The following NFIA variants were observed in gnomAD, a reference collection of about 807,000 sequenced individuals.
NFIA encodes nuclear factor 1 A-type.
In NFIA, 8 loss-of-function variants were observed where a neutral mutation model predicts 62.8. The observed-to-expected ratio is 0.13, with a 90% CI of 0.07 to 0.23. The LOEUF is 0.23. Ranked by LOEUF, NFIA falls within the 10% of genes least tolerant of loss-of-function variation. The pLI, the probability that NFIA is intolerant of heterozygous loss-of-function variation, is 1.00. For missense variants in NFIA, 410 were observed against 642.1 expected (o/e 0.64, Z 3.91); for synonymous variants, 235 against 238.1 (o/e 0.99, Z 0.12).
chr1:61,417,283 G>GTT, intron 9 of NFIA, among the ~76,000 whole-genome samples: 1 of 148,210 alleles, frequency 6.7e-6, no homozygotes, highest in Admixed American at 6.9e-5. Context: ...GTGTGTGTGT[G>GTT]TGTGTGTATA....
At chr1:61,411,262 A>C (rs1044110813) in intron 9 of NFIA, among the ~76,000 whole-genome samples, 1 of 152,070 alleles carries the variant, frequency 6.6e-6, no homozygotes, top group Non-Finnish European at 1.5e-5. Flanking sequence ...GGGGAAAAAA[A>C]ATCCTGTGAA....
intron 4 of NFIA, among the ~76,000 whole-genome samples, chr1:61,336,817 C>G (rs939908813): frequency 4.6e-5 from 7 of 152,168 alleles, no homozygotes; most frequent in African/African-American, 1.7e-4. Flanking sequence ...CCAGCCCCAT[C>G]CAGTCCCCTG....
chr1:61,451,957 G>A (rs1471032403), intron 10 of NFIA, among the ~76,000 whole-genome samples: 3 of 152,134 alleles, frequency 2.0e-5, no homozygotes, highest in Non-Finnish European at 2.9e-5. Context: ...CCCAACGATC[G>A]AATAAGCTCA....
intron 2 of NFIA, among the ~76,000 whole-genome samples, chr1:61,113,733 A>ATC (rs1469087867): frequency 7.6e-6 from 1 of 132,096 alleles, no homozygotes; most frequent in Non-Finnish European, 1.6e-5. Flanking sequence ...GAAATGAGAG[A>ATC]ATGAGCAGAG....
chr1:61,320,389 G>A (rs1462231746), intron 3 of NFIA, among the ~76,000 whole-genome samples: 1 of 152,096 alleles, frequency 6.6e-6, no homozygotes, highest in African/African-American at 2.4e-5. Context: ...TTTTGGCATC[G>A]ATAACTAATT....
chr1:61,349,802 A>G (rs1662453332), intron 4 of NFIA, among the ~76,000 whole-genome samples: 1 of 152,026 alleles, frequency 6.6e-6, no homozygotes, highest in South Asian at 2.1e-4. Context: ...TATGTTGCTC[A>G]GGCTGGTCTT....
chr1:61,168,149 G>A (rs929631290), intron 2 of NFIA, among the ~76,000 whole-genome samples: 9 of 152,042 alleles, frequency 5.9e-5, no homozygotes, highest in African/African-American at 1.7e-4. Flanking sequence ...TTAACTTGGG[G>A]CATTAATAAT....
Position 61,085,587 on chromosome 1 carries a change from C to G in NFIA, c.28-2562C>G, listed in dbSNP as rs140673215. On this transcript the variant is annotated intron_variant, in intron 1 of 10. Transcript: ENST00000403491. ...ACACTACTTTTTTTTTTTAACTAAT[C>G]ATTTATGCTATTCCTGGACATTTCT... Among the ~76,000 whole-genome samples the G allele has an allele frequency of 3.6e-3, 543 of 151,790 alleles. 3 individuals are homozygous for G. The highest frequency in any genetic ancestry group is 0.012 in the African/African-American group (512 of 41,438).
At chr1:61,310,499 G>A (rs1037045842) in intron 3 of NFIA, among the ~76,000 whole-genome samples, 1 of 152,092 alleles carries the variant, frequency 6.6e-6, no homozygotes, top group Non-Finnish European at 1.5e-5. Flanking sequence ...TTAGTGTATG[G>A]GGGGAAAAGG....
chr1:61,341,188 C>T (rs534961830), intron 4 of NFIA, among the ~76,000 whole-genome samples: 14 of 151,468 alleles, frequency 9.2e-5, no homozygotes, highest in African/African-American at 2.7e-4. Flanking sequence ...CTCCGCCTGC[C>T]GAGTAGCCGG....
At chr1:61,153,253 T>C (rs935312295) in intron 2 of NFIA, among the ~76,000 whole-genome samples, 9 of 152,234 alleles carry the variant, frequency 5.9e-5, no homozygotes, top group African/African-American at 2.2e-4. Context: ...TTCCCTATTA[T>C]ATTATGTTGT....
In NFIA at chr1:61,161,063, C is replaced by T. The variant is rs1038585808; in HGVS notation, c.559+72383C>T. ...TTGAGTAGCAGCGATTACAGGCACTCGCCACTATGCCCAGCTAATTTTTGT... is the reference window on the plus strand; with the variant it reads ...TTGAGTAGCAGCGATTACAGGCACTTGCCACTATGCCCAGCTAATTTTTGT... On this transcript the variant is annotated intron_variant, in intron 2 of 10. Transcript: ENST00000403491. Among the ~76,000 whole-genome samples, 13 of 152,224 alleles carry T rather than the reference C, an allele frequency of 8.5e-5. No homozygotes were observed. The East Asian group carries it at 1.2e-3, about 14-fold the overall frequency.
chr1:61,410,327 C>T (rs1172833080), intron 9 of NFIA, among the ~76,000 whole-genome samples: 1 of 152,036 alleles, frequency 6.6e-6, no homozygotes, highest in Non-Finnish European at 1.5e-5. Flanking sequence ...ATTGGATTAC[C>T]ACTAGATAAA....
At chr1:61,279,989 A>G (rs1015759416) in intron 3 of NFIA, among the ~76,000 whole-genome samples, 2 of 152,360 alleles carry the variant, frequency 1.3e-5, no homozygotes, top group South Asian at 4.1e-4. Context: ...TATCTAGGAG[A>G]TAAAGTAATA....
intron 2 of NFIA, among the ~76,000 whole-genome samples, chr1:61,225,376 G>A (rs550518295): frequency 7.9e-5 from 12 of 151,632 alleles, no homozygotes; most frequent in Non-Finnish European, 1.6e-4. Context: ...TCAGCCTCCT[G>A]AGTAGCTGGG....
chr1:61,213,009 C>A (rs537252527), intron 2 of NFIA, among the ~76,000 whole-genome samples: 2 of 152,310 alleles, frequency 1.3e-5, no homozygotes, highest in Non-Finnish European at 2.9e-5. Context: ...CTTGACTGTT[C>A]CACTGCCCAT....
chr1:61,388,055 C>T (rs543051067), intron 7 of NFIA, among the ~76,000 whole-genome samples: 1 of 152,294 alleles, frequency 6.6e-6, no homozygotes, highest in Admixed American at 6.5e-5. Flanking sequence ...CTGATAGTGG[C>T]TTTCTTTATG....
chr1:61,081,849 C>T (rs1646099405), upstream of NFIA: 9 of 1,529,156 alleles, frequency 5.9e-6, no homozygotes, highest in Non-Finnish European at 3.5e-6. Flanking sequence ...CAGAAAGCTT[C>T]GCTGGAGAGA....
intron 2 of NFIA, among the ~76,000 whole-genome samples, chr1:61,151,331 T>C (rs1221020439): frequency 4.6e-5 from 7 of 150,848 alleles, no homozygotes; most frequent in African/African-American, 1.7e-4. Flanking sequence ...TTCCTCAGCC[T>C]CCCAAGTAGC....
Sources: allele counts gnomAD v4.1 joint callset (sites outside exome capture counted in the v4.1 genomes callset), GRCh38; gene constraint gnomAD v4.1.1; transcripts MANE v1.5; gene names NCBI Gene and HGNC (gene_info 2026-07-23, HGNC 2026-07-21).